Variants in LRCH1 observed in about 807,000 individuals in gnomAD.
LRCH1 encodes leucine-rich repeat and calponin homology domain-containing protein 1.
A neutral mutation model predicts 94.9 loss-of-function variants in LRCH1; 23 were observed. The observed-to-expected ratio is 0.24, with a 90% confidence interval of 0.17 to 0.34. The LOEUF is 0.34. Among genes scored for constraint, LRCH1 ranks in the 10% least tolerant of loss-of-function variants. LRCH1 has a pLI of 1.00. For synonymous variants in LRCH1, 364 were observed against 354.9 expected (o/e 1.03, Z -0.29); for missense variants, 790 against 945.9 (o/e 0.84, Z 2.16).
At chr13:46,677,255 C>CAAAA (rs67827727) in intron 3 of LRCH1, among the ~76,000 whole-genome samples, 14 of 98,066 alleles carry the variant, frequency 1.4e-4, no homozygotes, top group Admixed American at 2.3e-4. Flanking sequence ...ACTAAAAATA[C>CAAAA]AAAAAAAAAA....
At chr13:46,691,077 A>G (rs1178163682) in intron 7 of LRCH1, among the ~76,000 whole-genome samples, 1 of 152,256 alleles carries the variant, frequency 6.6e-6, no homozygotes, top group Non-Finnish European at 1.5e-5. Flanking sequence ...ATCTGTGCAT[A>G]TGTCCAAAAG....
intron 4 of LRCH1, among the ~76,000 whole-genome samples, chr13:46,683,951 C>T (rs1482722194): frequency 6.6e-6 from 1 of 152,064 alleles, no homozygotes; most frequent in Non-Finnish European, 1.5e-5. Context: ...CAGTCAGTGA[C>T]TGTAAAGACT....
At chr13:46,714,882 T>C (rs970075135) in intron 15 of LRCH1, among the ~76,000 whole-genome samples, 3 of 152,196 alleles carry the variant, frequency 2.0e-5, no homozygotes, top group Non-Finnish European at 4.4e-5. Flanking sequence ...ACTGTACTAG[T>C]CTCCAACATT....
intron 1 of LRCH1, among the ~76,000 whole-genome samples, chr13:46,628,663 G>A (rs8000003): frequency 0.83 from 120,203 of 144,046 alleles, 49,922 homozygotes; most frequent in African/African-American, 0.92. Context: ...TCTCAGGGAA[G>A]AAAAAAAAAA....
intron 7 of LRCH1, among the ~76,000 whole-genome samples, chr13:46,690,212 TA>T (rs1369716384): frequency 6.6e-6 from 1 of 152,100 alleles, no homozygotes. Flanking sequence ...CCTTCTAATA[TA>T]GAGCATTTTG....
rs560120199 is a variant in LRCH1 at position 46,632,577 on chromosome 13, A to G, written c.308-17624A>G. Among the ~76,000 whole-genome samples the G allele has an allele frequency of 5.3e-5, 8 of 152,358 alleles. No individual in the cohort carries two copies. In the South Asian group the frequency reaches 1.4e-3, roughly 28 times the overall value. ...TTGTTTACAAGACAATTGAAAATGA[A>G]AAGATAAAACCTACTTACTCTTCAA... On this transcript the variant is annotated intron_variant, in intron 1 of 19. Transcript: ENST00000389797.
intron 8 of LRCH1, among the ~76,000 whole-genome samples, chr13:46,692,963 ATTC>A (rs1462418082): frequency 6.8e-6 from 1 of 147,902 alleles, no homozygotes; most frequent in East Asian, 2.0e-4. Flanking sequence ...CTTAGATAAA[ATTC>A]TTTTTTTTTT....
Position 46,694,907 on chromosome 13 carries a change from G to A in LRCH1, c.1135G>A (p.Glu379Lys). The A allele has an allele frequency of 1.2e-6, 2 of 1,614,094 alleles. No individual in the cohort carries two copies. Among genetic ancestry groups the A allele is most frequent in the Non-Finnish European group, 1.7e-6 (2 of 1,179,970 alleles). The change falls in exon 9 of 20, where the codon GAA becomes AAA. Residue 379 changes from glutamate (E) to lysine (K), a missense_variant. Around this residue, in one of 3 missense-constraint regions of LRCH1, gnomAD observed 460 missense variants for 508.9 expected, o/e 0.90. Transcript: ENST00000389797. ...LSPVKGEFHQ[E>K]FQPEPSLLGD... ...TTTCCTAATAGGGGAATTTCATCAG[G>A]AATTTCAACCGGAGCCTTCCCTTTT...
intron 1 of LRCH1, among the ~76,000 whole-genome samples, chr13:46,617,350 A>G (rs548854575): frequency 8.4e-4 from 128 of 152,344 alleles, no homozygotes; most frequent in Middle Eastern, 3.4e-3. Context: ...CTGTGTGGGC[A>G]AGTCACTTCA....
rs376025275 is a variant in LRCH1 at position 46,681,806 on chromosome 13, A to G, written c.645A>G (p.Glu215=). 2.0e-5 allele frequency: 33 copies of G among 1,613,682 alleles called. No individual in the cohort carries two copies. The highest frequency in any genetic ancestry group is 4.0e-5 in the African/African-American group (3 of 74,934). The stretch of plus-strand genomic sequence containing the variant: ...TAGGTCAGTTGAAATCTCTACGAGA[A>G]CTGAATGTCAGAAGAAATTACCTTA... The part of the protein sequence containing the change: ...QQIGQLKSLR[E]LNVRRNYLKV... The change falls in exon 4 of 20, where the codon GAA becomes GAG. Residue 215 remains glutamate (E), a synonymous_variant. Transcript: ENST00000389797.
rs55823488 is a variant in LRCH1 at position 46,657,692 on chromosome 13, A to ATTTTTTTTTTT, written c.452+7353_452+7363dup. Reference sequence around the variant, plus strand: ...AGACGTGCGCCACCATGCCCAGCTAATTTTTTTTTTTTTTTTGGTAGAGAT... The same window carrying ATTTTTTTTTTT: ...AGACGTGCGCCACCATGCCCAGCTAATTTTTTTTTTTTTTTTTTTTTTTTTTTGGTAGAGAT... On this transcript the variant is annotated intron_variant, in intron 2 of 19. Coordinates refer to ENST00000389797, the MANE Select transcript of LRCH1 (RefSeq NM_001164211.2). Among the ~76,000 whole-genome samples the ATTTTTTTTTTT allele has an allele frequency of 3.2e-3, 149 of 46,904 alleles. 26 individuals are homozygous for ATTTTTTTTTTT. The highest frequency in any genetic ancestry group is 4.1e-3 in the Non-Finnish European group (105 of 25,900). The allele number at this position is 46,904 out of a possible 152,430, so 30.8% of individuals were successfully genotyped here.
intron 1 of LRCH1, among the ~76,000 whole-genome samples, chr13:46,606,148 A>ATGTGTGTGTGTGTGTGTG (rs3991577): frequency 2.2e-4 from 32 of 148,616 alleles, no homozygotes; most frequent in African/African-American, 7.2e-4. Context: ...TTTTAACCTT[A>ATGTGTGTGTGTGTGTGTG]TGTGTGTGTG....
chr13:46,646,627 A>G (rs1324206170), intron 1 of LRCH1, among the ~76,000 whole-genome samples: 1 of 152,178 alleles, frequency 6.6e-6, no homozygotes, highest in Non-Finnish European at 1.5e-5. Context: ...TGCTTCATTC[A>G]TTTTTATGGC....
intron 16 of LRCH1, among the ~76,000 whole-genome samples, 162 bp from the exon 17 acceptor site, chr13:46,723,059 A>C (rs1330281144): frequency 6.6e-6 from 1 of 152,216 alleles, no homozygotes. Context: ...GTCTCTTTTA[A>C]AATACTTGAG....
At chr13:46,686,970 T>TG (rs1870648597) in intron 5 of LRCH1, among the ~76,000 whole-genome samples, 1 of 143,386 alleles carries the variant, frequency 7.0e-6, no homozygotes, top group South Asian at 2.3e-4. Flanking sequence ...TTTTTTTTTT[T>TG]TTTTTTGAGA....
intron 15 of LRCH1, among the ~76,000 whole-genome samples, chr13:46,712,870 T>A (rs1872141934): frequency 6.6e-6 from 1 of 152,186 alleles, no homozygotes; most frequent in African/African-American, 2.4e-5. Flanking sequence ...AAATATTCTA[T>A]TGATTTTTTT....
chr13:46,647,995 G>A (rs1047142220), intron 1 of LRCH1, among the ~76,000 whole-genome samples: 3 of 152,006 alleles, frequency 2.0e-5, no homozygotes, highest in Admixed American at 1.3e-4. Flanking sequence ...TGACTGAAGC[G>A]CATTACTTTA....
At chr13:46,639,558 C>T (rs1423991219) in intron 1 of LRCH1, among the ~76,000 whole-genome samples, 1 of 152,186 alleles carries the variant, frequency 6.6e-6, no homozygotes, top group Non-Finnish European at 1.5e-5. Context: ...GCCATTTGAG[C>T]TCTAAAGCCT....
In LRCH1 at chr13:46,553,270, C is replaced by T; in HGVS notation, c.-127C>T. The T allele has an allele frequency of 1.6e-6, 1 of 643,688 alleles. No homozygotes were observed. Among genetic ancestry groups the T allele is most frequent in the Non-Finnish European group, 2.6e-6 (1 of 388,586 alleles). The allele number at this position is 643,688 out of a possible 1,614,324, so 39.9% of individuals were successfully genotyped here. A position where few individuals can be genotyped will look rare whatever the true frequency, so the allele number is the denominator to read the frequency against. Reference sequence around the variant, plus strand: ...TCTACGCGCCTGCCCACACCCTCCTCCCCTCCTTCCAGCGCCTTTCGGTGG... The same window carrying T: ...TCTACGCGCCTGCCCACACCCTCCTTCCCTCCTTCCAGCGCCTTTCGGTGG... On this transcript the variant is annotated 5_prime_UTR_variant, in exon 1 of 20. Transcript: ENST00000389797.
Sources: allele counts gnomAD v4.1 joint callset (sites outside exome capture counted in the v4.1 genomes callset), GRCh38; gene constraint gnomAD v4.1.1; regional missense constraint gnomAD v4.1.1; transcripts MANE v1.5; gene names NCBI Gene and HGNC (gene_info 2026-07-23, HGNC 2026-07-21).